The following PDK1 variants were observed in gnomAD, a reference collection of about 807,000 sequenced individuals.
The protein encoded by PDK1 is pyruvate dehydrogenase kinase 1.
Under a neutral mutation model 54.2 loss-of-function variants are expected in PDK1, and 39 were observed. The observed-to-expected ratio is 0.72, with a 90% confidence interval of 0.56 to 0.94. PDK1 has a LOEUF of 0.94. PDK1 is among the 40% of genes least tolerant of loss of function. PDK1 has a pLI of 0.00. For missense variants in PDK1, 552 were observed against 566.0 expected (o/e 0.98, Z 0.25); for synonymous variants, 221 against 207.1 (o/e 1.07, Z -0.58).
At chr2:172,697,923 T>C in the PDK1 span, among the ~76,000 whole-genome samples, 1 of 152,180 alleles carries the variant, frequency 6.6e-6, no homozygotes. Context: ...ATGGTGTCCA[T>C]AGGGATTTAC....
the PDK1 span, among the ~76,000 whole-genome samples, chr2:172,669,467 A>G: frequency 6.6e-6 from 1 of 152,242 alleles, no homozygotes. Context: ...ATTGTAAAAA[A>G]TGCTGCAATA....
chr2:172,707,033 T>G, the PDK1 span, among the ~76,000 whole-genome samples: 2 of 152,016 alleles, frequency 1.3e-5, no homozygotes, highest in African/African-American at 4.8e-5. Flanking sequence ...ATTGACACCA[T>G]GGGGGTGGGA....
intron 9 of PDK1, among the ~76,000 whole-genome samples, chr2:172,589,337 C>T (rs1690441089): frequency 6.6e-6 from 1 of 152,170 alleles, no homozygotes; most frequent in Admixed American, 6.5e-5. Flanking sequence ...AGCACAGGAA[C>T]CCAGGGCTAG....
chr2:172,687,775 T>C, the PDK1 span, among the ~76,000 whole-genome samples: 1 of 152,176 alleles, frequency 6.6e-6, no homozygotes, highest in Non-Finnish European at 1.5e-5. Flanking sequence ...CACATATTCC[T>C]CTCTGCCTGC....
chr2:172,622,283 ATATAT>A, the PDK1 span, among the ~76,000 whole-genome samples: 1 of 78,300 alleles, frequency 1.3e-5, no homozygotes, highest in Non-Finnish European at 2.2e-5. Context: ...TTTATATCTC[ATATAT>A]TATGTGAGAT....
the PDK1 span, among the ~76,000 whole-genome samples, chr2:172,705,877 C>T: frequency 1.3e-5 from 2 of 152,144 alleles, no homozygotes; most frequent in Non-Finnish European, 2.9e-5. Context: ...CAGAAAAGGG[C>T]ACAGAACTTA....
intron 1 of PDK1, among the ~76,000 whole-genome samples, chr2:172,556,877 A>G (rs1376183550): frequency 6.6e-6 from 1 of 152,232 alleles, no homozygotes; most frequent in African/African-American, 2.4e-5. Flanking sequence ...ATCAGCAAGT[A>G]AGTCTTGGGC....
chr2:172,566,728 ACTATC>A, intron 5 of PDK1, 123 bp from the exon 6 acceptor site: 1 of 520,428 alleles, frequency 1.9e-6, no homozygotes, highest in Non-Finnish European at 3.2e-6. Flanking sequence ...CTTTCACCAA[ACTATC>A]AAAGTATATT....
chr2:172,622,457 G>GATGTTTATATCTCATATTATGTGAGAT, the PDK1 span, among the ~76,000 whole-genome samples: 1 of 127,102 alleles, frequency 7.9e-6, no homozygotes, highest in African/African-American at 3.0e-5. Context: ...TATTATGTGA[G>GATGTTTATATCTCATATTATGTGAGAT]ATGTTTATAT....
intron 9 of PDK1, among the ~76,000 whole-genome samples, chr2:172,589,152 A>G (rs1423923231): frequency 6.6e-6 from 1 of 152,218 alleles, no homozygotes; most frequent in South Asian, 2.1e-4. Context: ...GCACGTGGTA[A>G]AGTAGGTCAG....
the PDK1 span, among the ~76,000 whole-genome samples, chr2:172,656,237 A>G: frequency 6.6e-6 from 1 of 152,202 alleles, no homozygotes; most frequent in Admixed American, 6.5e-5. Flanking sequence ...ATAGTGGCGG[A>G]ATCCCACATT....
chr2:172,623,367 C>T, the PDK1 span, among the ~76,000 whole-genome samples: 1 of 152,072 alleles, frequency 6.6e-6, no homozygotes, highest in African/African-American at 2.4e-5. Flanking sequence ...TGATTCCACT[C>T]CTAGAAAATG....
At chr2:172,562,172 C>A in intron 2 of PDK1, 48 bp from the exon 3 acceptor site, 1 of 1,023,344 alleles carries the variant, frequency 9.8e-7, no homozygotes, top group Non-Finnish European at 1.5e-6. Flanking sequence ...TGATATTGAA[C>A]TTTCAGAATA....
At chr2:172,724,294 G>A in the PDK1 span, 1 of 115,888 alleles carries the variant, frequency 8.6e-6, no homozygotes, top group Non-Finnish European at 1.9e-5. Flanking sequence ...TAATAAAAGT[G>A]AGTCATTTCA....
chr2:172,701,252 T>A, the PDK1 span, among the ~76,000 whole-genome samples: 4 of 152,222 alleles, frequency 2.6e-5, no homozygotes, highest in Non-Finnish European at 5.9e-5. Context: ...GATATTTCTA[T>A]CCACATTTGT....
At chr2:172,556,583 G>T (rs994589658) in intron 1 of PDK1, 4 of 373,812 alleles carry the variant, frequency 1.1e-5, no homozygotes, top group Admixed American at 4.7e-5. Flanking sequence ...AAACAAACCA[G>T]CTGGGCCGCG....
chr2:172,713,814 TCC>T, the PDK1 span, among the ~76,000 whole-genome samples: 3 of 152,090 alleles, frequency 2.0e-5, no homozygotes, highest in Non-Finnish European at 2.9e-5. Flanking sequence ...GGGGTGTGGA[TCC>T]CGTCTGTTCC....
the PDK1 span, among the ~76,000 whole-genome samples, chr2:172,669,100 C>G: frequency 6.9e-5 from 10 of 144,026 alleles, no homozygotes; most frequent in African/African-American, 2.6e-4. Flanking sequence ...CGCTCTGTCG[C>G]CCAGGCTGGA....
chr2:172,580,077 A>ATT lies in PDK1; in HGVS notation c.946-6193_946-6192dup, dbSNP rs34421752. Among the ~76,000 whole-genome samples the ATT allele has an allele frequency of 1.2e-4, 18 of 150,678 alleles. No individual in the cohort carries two copies. The East Asian group carries it at 1.6e-3, about 13-fold the overall frequency. ...TTTATTTTATTGCTCTAAGGATATT[A>ATT]TTTTTTTTTAATTAATTTGCCTCTG... On this transcript the variant is annotated intron_variant, in intron 8 of 10. Coordinates refer to ENST00000282077, the MANE Select transcript of PDK1 (RefSeq NM_002610.5).
Sources: allele counts gnomAD v4.1 joint callset (sites outside exome capture counted in the v4.1 genomes callset), GRCh38; gene constraint gnomAD v4.1.1; transcripts MANE v1.5; gene names NCBI Gene and HGNC (gene_info 2026-07-23, HGNC 2026-07-21).